The following NRG3 variants were observed in gnomAD, a reference collection of about 807,000 sequenced individuals.
NRG3 encodes the protein pro-neuregulin-3, membrane-bound isoform.
NRG3 carries 31 observed loss-of-function variants against 66.9 expected under a neutral mutation model. That is an observed-to-expected ratio of 0.46 (90% CI 0.35 to 0.63). The LOEUF (loss-of-function observed/expected upper bound fraction) is 0.63. Ranked by LOEUF, NRG3 falls within the 20% of genes least tolerant of loss-of-function variation. NRG3 has a pLI of 0.00. For synonymous variants in NRG3, 393 were observed against 359.4 expected, an observed-to-expected ratio of 1.09 and a Z score of -1.06; for missense variants, 910 against 878.9, an observed-to-expected ratio of 1.04 and a Z score of -0.45.
chr10:81,960,936 C>G (rs888131439), intron 1 of NRG3, among the ~76,000 whole-genome samples: 4 of 152,050 alleles, frequency 2.6e-5, no homozygotes, highest in African/African-American at 7.2e-5. Context: ...TGTTCTAATC[C>G]TTCTTCTCTG....
At chr10:82,984,446 G>A (rs1413100544) in intron 8 of NRG3, among the ~76,000 whole-genome samples, 2 of 152,178 alleles carry the variant, frequency 1.3e-5, no homozygotes, top group Non-Finnish European at 2.9e-5. Context: ...TCATCCCCAG[G>A]CAGGTAGAGG....
At chr10:82,664,104 T>C (rs1384529083) in intron 2 of NRG3, among the ~76,000 whole-genome samples, 1 of 152,202 alleles carries the variant, frequency 6.6e-6, no homozygotes, top group Non-Finnish European at 1.5e-5. Context: ...GCTTTTCTCT[T>C]ACACCTTTAC....
At chr10:81,960,983 T>C (rs1449352377) in intron 1 of NRG3, among the ~76,000 whole-genome samples, 1 of 152,136 alleles carries the variant, frequency 6.6e-6, no homozygotes, top group Non-Finnish European at 1.5e-5. Context: ...TCAATCTTAG[T>C]GTTTTCTGGC....
chr10:82,325,071 A>T (rs2081793256), intron 1 of NRG3, among the ~76,000 whole-genome samples: 1 of 152,150 alleles, frequency 6.6e-6, no homozygotes, highest in Admixed American at 6.5e-5. Flanking sequence ...TTTGCTTCAT[A>T]TATTTTGAAG....
intron 4 of NRG3, among the ~76,000 whole-genome samples, chr10:82,878,335 G>A (rs1391020735): frequency 1.3e-5 from 2 of 152,172 alleles, no homozygotes; most frequent in African/African-American, 2.4e-5. Context: ...GAGGTTTCAA[G>A]CAGGGAAGTG....
At chr10:82,564,874 A>G (rs1275083274) in intron 2 of NRG3, among the ~76,000 whole-genome samples, 2 of 152,122 alleles carry the variant, frequency 1.3e-5, no homozygotes, top group African/African-American at 4.8e-5. Flanking sequence ...TACAAGACAA[A>G]AGGCACCTTC....
At chr10:82,114,063 A>T (rs1368984501) in intron 1 of NRG3, among the ~76,000 whole-genome samples, 2 of 152,188 alleles carry the variant, frequency 1.3e-5, no homozygotes, top group African/African-American at 2.4e-5. Context: ...GACGTTTTAC[A>T]TGAATGGAAT....
Position 82,385,193 on chromosome 10 carries a change from T to C in NRG3, c.953+26325T>C, listed in dbSNP as rs141347975. ...TTTCTTGCTAATTTGTTAAGTTTTTTATAGATATTGTACGTTAGATCTTTG... is the reference window on the plus strand; with the variant it reads ...TTTCTTGCTAATTTGTTAAGTTTTTCATAGATATTGTACGTTAGATCTTTG... On this transcript the variant is annotated intron_variant, in intron 2 of 8. Transcript: ENST00000372141. Among the ~76,000 whole-genome samples, 1,381 of 152,316 alleles carry C rather than the reference T, an allele frequency of 9.1e-3. 33 individuals carry two copies. Among genetic ancestry groups the C allele is most frequent in the Admixed American group, 0.011 (163 of 15,290 alleles).
rs143166578 is a variant in NRG3 at position 82,145,050 on chromosome 10, A to G, written c.824-213689A>G. ...CCCAATAGCTCCTGAAGGGATATAC[A>G]TGTATCTCTTTAAAGGGGATGCAGC... is the stretch of plus-strand genomic sequence containing the variant. On this transcript the variant is annotated intron_variant, in intron 1 of 8. Coordinates refer to ENST00000372141, the MANE Select transcript of NRG3 (RefSeq NM_001010848.4). 4.9e-3 allele frequency among the ~76,000 whole-genome samples: 741 copies of G among 152,284 alleles called. 2 individuals are homozygous for G. The highest frequency in any genetic ancestry group is 7.7e-3 in the Non-Finnish European group (523 of 68,028).
chr10:82,073,614 G>A (rs1169105999), intron 1 of NRG3, among the ~76,000 whole-genome samples: 1 of 151,836 alleles, frequency 6.6e-6, no homozygotes, highest in East Asian at 1.9e-4. Context: ...TCTCTTTTTT[G>A]CCATTTTCAT....
At chr10:82,939,001 A>C (rs942920601) in intron 4 of NRG3, among the ~76,000 whole-genome samples, 1 of 152,192 alleles carries the variant, frequency 6.6e-6, no homozygotes, top group Non-Finnish European at 1.5e-5. Flanking sequence ...TTATCTTAGC[A>C]TTGAAAACTC....
At chr10:81,920,367 G>C (rs117330265) in intron 1 of NRG3, among the ~76,000 whole-genome samples, 1 of 151,968 alleles carries the variant, frequency 6.6e-6, no homozygotes, top group Non-Finnish European at 1.5e-5. Flanking sequence ...CTGTGGCATC[G>C]ATTCCTGGTG....
At chr10:82,597,737 A>G (rs1045632691) in intron 2 of NRG3, among the ~76,000 whole-genome samples, 8 of 152,144 alleles carry the variant, frequency 5.3e-5, no homozygotes, top group African/African-American at 1.9e-4. Flanking sequence ...CCTGGCCAAC[A>G]TGGTGAAACC....
chr10:81,910,461 A>G (rs1344369407), intron 1 of NRG3, among the ~76,000 whole-genome samples: 1 of 152,224 alleles, frequency 6.6e-6, no homozygotes, highest in African/African-American at 2.4e-5. Flanking sequence ...ACTAAATTAA[A>G]CAACATGCAT....
At chr10:82,890,815 G>A (rs1843086445) in intron 4 of NRG3, among the ~76,000 whole-genome samples, 1 of 152,068 alleles carries the variant, frequency 6.6e-6, no homozygotes, top group South Asian at 2.1e-4. Flanking sequence ...CACCTTAAAT[G>A]GTCCCTAGTT....
chr10:81,922,575 C>A (rs1846357904), intron 1 of NRG3, among the ~76,000 whole-genome samples: 1 of 152,042 alleles, frequency 6.6e-6, no homozygotes, highest in South Asian at 2.1e-4. Context: ...CATTGCTGCC[C>A]AAAACAAGAC....
chr10:82,331,793 C>T (rs1478921564), intron 1 of NRG3, among the ~76,000 whole-genome samples: 1 of 152,096 alleles, frequency 6.6e-6, no homozygotes, highest in Non-Finnish European at 1.5e-5. Context: ...AAAAAATAAA[C>T]ATTTTCCAGT....
chr10:82,162,442 T>C (rs1426842719), intron 1 of NRG3, among the ~76,000 whole-genome samples: 2 of 152,150 alleles, frequency 1.3e-5, no homozygotes, highest in African/African-American at 4.8e-5. Flanking sequence ...TGTCAGTTGT[T>C]CTGTGTGTCA....
At chr10:82,078,771 G>A (rs1277915782) in intron 1 of NRG3, among the ~76,000 whole-genome samples, 3 of 152,246 alleles carry the variant, frequency 2.0e-5, no homozygotes, top group South Asian at 4.1e-4. Flanking sequence ...TTCATGATGC[G>A]AAACAAATGC....
Sources: allele counts gnomAD v4.1 joint callset (sites outside exome capture counted in the v4.1 genomes callset), GRCh38; gene constraint gnomAD v4.1.1; transcripts MANE v1.5; gene names NCBI Gene and HGNC (gene_info 2026-07-23, HGNC 2026-07-21).